Variants in NOL4L observed in about 807,000 individuals in gnomAD.
NOL4L encodes the protein nucleolar protein 4-like.
A neutral mutation model predicts 64.5 loss-of-function variants in NOL4L; 7 were observed. The ratio of observed to expected loss-of-function variants is 0.11; its 90% CI spans 0.06 to 0.20. NOL4L has a LOEUF of 0.20. Among genes scored for constraint, NOL4L ranks in the 10% least tolerant of loss-of-function variants. The pLI is 1.00. For missense variants in NOL4L, 680 were observed against 967.1 expected (o/e 0.70, Z 3.94); for synonymous variants, 413 against 401.0 (o/e 1.03, Z -0.36).
intron 1 of NOL4L, 53 bp downstream of exon 1, chr20:32,584,517 C>CG: frequency 1.7e-6 from 2 of 1,193,374 alleles, no homozygotes; most frequent in Non-Finnish European, 2.2e-6. Flanking sequence ...CCCCGCCCGC[C>CG]TGCCCCAAGC....
chr20:32,569,112 G>C (rs532796583), intron 1 of NOL4L, among the ~76,000 whole-genome samples: 1 of 152,124 alleles, frequency 6.6e-6, no homozygotes, highest in African/African-American at 2.4e-5. Context: ...ATGTTCATAA[G>C]GGCTCCAAAG....
At position 32,464,874 on chromosome 20, in the gene NOL4L, TCAC is replaced by T. The variant is rs1470106258; in HGVS notation, c.842-8482_842-8480del. On this transcript the variant is annotated intron_variant, in intron 5 of 10. Coordinates refer to ENST00000621426, the MANE Select transcript of NOL4L (RefSeq NM_001256798.2). The surrounding 1 kb of genome is among the most constrained non-coding windows in gnomAD (Gnocchi z 5.6). ...ACCGTGTTATCAGAGCTGAGATATTTCACCTTCTTCTTTCCTACGGAGCCGCTG... is the reference window on the plus strand; with the variant it reads ...ACCGTGTTATCAGAGCTGAGATATTTCTTCTTCTTTCCTACGGAGCCGCTG... 1 of 424,668 alleles carries T rather than the reference TCAC, an allele frequency of 2.4e-6. No individual in the cohort carries two copies. The highest frequency in any genetic ancestry group is 2.1e-5 in the African/African-American group (1 of 48,762). The allele number at this position is 424,668 out of a possible 1,614,324, so 26.3% of individuals were successfully genotyped here. A position where few individuals can be genotyped will look rare whatever the true frequency, so the allele number is the denominator to read the frequency against.
chr20:32,484,058 A>T (rs1272888787), intron 4 of NOL4L, among the ~76,000 whole-genome samples: 1 of 151,812 alleles, frequency 6.6e-6, no homozygotes, highest in Non-Finnish European at 1.5e-5. Context: ...GGGAGAGGGC[A>T]CCCGGCGGGC....
intron 5 of NOL4L, among the ~76,000 whole-genome samples, chr20:32,468,120 C>T (rs1173833089): frequency 1.3e-5 from 2 of 152,094 alleles, no homozygotes; most frequent in Non-Finnish European, 2.9e-5. Context: ...AAGCTGTGGC[C>T]CAGAGTTGGG....
chr20:32,496,772 G>A (rs565269231), intron 4 of NOL4L, among the ~76,000 whole-genome samples: 2 of 152,038 alleles, frequency 1.3e-5, no homozygotes, highest in South Asian at 2.1e-4. Context: ...GGCTGGTCTC[G>A]AACTGACCTC....
intron 4 of NOL4L, among the ~76,000 whole-genome samples, chr20:32,476,015 T>C (rs535650358): frequency 6.6e-6 from 1 of 152,036 alleles, no homozygotes; most frequent in East Asian, 1.9e-4. Context: ...ACGCCTGTAG[T>C]CCCCACGCGG....
chr20:32,515,391 G>A (rs2017607083), intron 3 of NOL4L, among the ~76,000 whole-genome samples: 1 of 152,156 alleles, frequency 6.6e-6, no homozygotes, highest in Non-Finnish European at 1.5e-5. Context: ...GCAGGGAGGG[G>A]ACATTCTAGG....
intron 1 of NOL4L, among the ~76,000 whole-genome samples, chr20:32,538,064 C>G (rs2018581225): frequency 6.6e-6 from 1 of 152,192 alleles, no homozygotes; most frequent in South Asian, 2.1e-4. Flanking sequence ...CAGGCATGAG[C>G]CACCACACCC....
At chr20:32,575,336 T>G (rs1011451707) in intron 1 of NOL4L, among the ~76,000 whole-genome samples, 3 of 152,094 alleles carry the variant, frequency 2.0e-5, no homozygotes, top group African/African-American at 7.2e-5. Flanking sequence ...CATGCTTCTC[T>G]AAGAAAATTG....
rs1167969757 is a variant in NOL4L, at chr20:32,476,198, G to GACACACACAC, written c.700-1466_700-1457dup. Among the ~76,000 whole-genome samples, 1,020 of 141,062 alleles carry GACACACACAC rather than the reference G, an allele frequency of 7.2e-3. 13 individuals are homozygous for GACACACACAC. Among genetic ancestry groups the GACACACACAC allele is most frequent in the East Asian group, 0.033 (154 of 4,676 alleles). The allele number at this position is 141,062 out of a possible 152,430, so 92.5% of individuals were successfully genotyped here. A position where few individuals can be genotyped will look rare whatever the true frequency, so the allele number is the denominator to read the frequency against. On this transcript the variant is annotated intron_variant, in intron 4 of 10. Transcript: ENST00000621426. ...GAAAACTCGCTCACACACCCGGAGG[G>GACACACACAC]ACACACACACACACACACACACACA...
intron 4 of NOL4L, chr20:32,511,087 C>T (rs1166613190): frequency 5.9e-6 from 2 of 341,380 alleles, no homozygotes; most frequent in East Asian, 5.0e-5. Flanking sequence ...GTCCCCTCCT[C>T]CCCCTCCTCC....
chr20:32,553,551 G>A (rs2145606786), intron 1 of NOL4L, among the ~76,000 whole-genome samples: 1 of 152,274 alleles, frequency 6.6e-6, no homozygotes, highest in Non-Finnish European at 1.5e-5. Context: ...CCCAGCCCTA[G>A]CCCCATTCTC....
intron 2 of NOL4L, among the ~76,000 whole-genome samples, chr20:32,523,123 C>T (rs539527930): frequency 5.3e-5 from 8 of 152,174 alleles, no homozygotes; most frequent in Non-Finnish European, 1.2e-4. Flanking sequence ...TGGCAGGGAC[C>T]CCAGCAGTGT....
intron 4 of NOL4L, among the ~76,000 whole-genome samples, chr20:32,490,944 A>G (rs1221261716): frequency 2.0e-5 from 3 of 152,152 alleles, no homozygotes; most frequent in South Asian, 2.1e-4. Context: ...GGAACTCTGT[A>G]GCAGACGGAC....
At chr20:32,520,519 T>G (rs1218954930) in intron 3 of NOL4L, among the ~76,000 whole-genome samples, 1 of 152,158 alleles carries the variant, frequency 6.6e-6, no homozygotes, top group African/African-American at 2.4e-5. Context: ...CATTCCCAAC[T>G]GGAATCCGGC....
chr20:32,554,300 G>A (rs920628594), intron 1 of NOL4L, among the ~76,000 whole-genome samples: 4 of 130,934 alleles, frequency 3.1e-5, no homozygotes, highest in African/African-American at 9.7e-5. Flanking sequence ...CAGCCTGGGC[G>A]ACAGAGTGAG....
At chr20:32,525,322 T>C (rs1186298663) in intron 2 of NOL4L, among the ~76,000 whole-genome samples, 4 of 152,174 alleles carry the variant, frequency 2.6e-5, no homozygotes, top group Non-Finnish European at 5.9e-5. Flanking sequence ...CCCATCCGCC[T>C]GGACAACAGC....
chr20:32,555,137 C>T (rs6119894), intron 1 of NOL4L, among the ~76,000 whole-genome samples: 1 of 151,970 alleles, frequency 6.6e-6, no homozygotes, highest in Non-Finnish European at 1.5e-5. Context: ...CCAGGCTGCT[C>T]CCTCTGCCTG....
At position 32,456,858 on chromosome 20, in the gene NOL4L, C is replaced by T. The variant is rs569767106; in HGVS notation, c.842-463G>A. Among the ~76,000 whole-genome samples, 154 of 152,352 alleles carry T rather than the reference C, an allele frequency of 1.0e-3. 2 individuals are homozygous for T. The highest frequency in any genetic ancestry group is 3.6e-3 in the African/African-American group (151 of 41,594). Reference sequence around the variant, plus strand: ...CAGCTTCGAGCTCTCAGAGCCCCTGCCCACGGTGGGCCCTCAAATGTCTCC... The same window carrying T: ...CAGCTTCGAGCTCTCAGAGCCCCTGTCCACGGTGGGCCCTCAAATGTCTCC... On this transcript the variant is annotated intron_variant, in intron 5 of 10. Coordinates refer to ENST00000621426, the MANE Select transcript of NOL4L (RefSeq NM_001256798.2).
Sources: allele counts gnomAD v4.1 joint callset (sites outside exome capture counted in the v4.1 genomes callset), GRCh38; gene constraint gnomAD v4.1.1; non-coding constraint Gnocchi (gnomAD v3.1); transcripts MANE v1.5; gene names NCBI Gene and HGNC (gene_info 2026-07-23, HGNC 2026-07-21).